Variants in NRG3 observed in about 807,000 individuals in gnomAD.
NRG3 encodes pro-neuregulin-3, membrane-bound isoform.
Under a neutral mutation model 66.9 loss-of-function variants are expected in NRG3, and 31 were observed. The ratio of observed to expected loss-of-function variants is 0.46; its 90% confidence interval spans 0.35 to 0.63. The LOEUF (loss-of-function observed/expected upper bound fraction) is 0.63. Among genes scored for constraint, NRG3 ranks in the 20% least tolerant of loss-of-function variants. NRG3 has a pLI of 0.00. For missense variants in NRG3, 910 were observed against 878.9 expected (o/e 1.04, Z -0.45); for synonymous variants, 393 against 359.4 (o/e 1.09, Z -1.06).
At chr10:82,666,475 A>G (rs985236883) in intron 2 of NRG3, among the ~76,000 whole-genome samples, 3 of 152,130 alleles carry the variant, frequency 2.0e-5, no homozygotes, top group Non-Finnish European at 4.4e-5. Flanking sequence ...ATAGTCTGAA[A>G]TCCTCAGCCT....
At chr10:81,960,600 A>G (rs1434871746) in intron 1 of NRG3, among the ~76,000 whole-genome samples, 2 of 151,814 alleles carry the variant, frequency 1.3e-5, no homozygotes, top group East Asian at 1.9e-4. Flanking sequence ...CACTTAGTGC[A>G]GTGTCTCGGT....
chr10:81,875,702 TC>T lies in NRG3; in HGVS notation c.366del (p.Lys123ArgfsTer36). The T allele has an allele frequency of 6.2e-7, 1 of 1,613,610 alleles. No homozygotes were observed. Among genetic ancestry groups the T allele is most frequent in the Non-Finnish European group, 8.5e-7 (1 of 1,179,930 alleles). On this transcript the variant is annotated frameshift_variant, in exon 1 of 9. Transcript: ENST00000372141. LOFTEE classifies it high-confidence loss of function. This position sits in a 1 kb window ranked among gnomAD's most constrained non-coding sequence, Gnocchi z 5.3. The stretch of plus-strand genomic sequence containing the variant: ...TTCTTCCTCTCCAAGCCCAGCTCTT[TC>T]CCCAAGGCCATGGAGACCACCACCA... ...DPFFLSKPSS[F>X]PKAMETTTTT...
intron 1 of NRG3, among the ~76,000 whole-genome samples, chr10:82,227,112 A>G (rs2076203351): frequency 6.6e-6 from 1 of 152,146 alleles, no homozygotes; most frequent in Non-Finnish European, 1.5e-5. Context: ...TCCAGACATG[A>G]GAAGGTCATC....
intron 4 of NRG3, among the ~76,000 whole-genome samples, chr10:82,914,704 G>A (rs1241087262): frequency 6.6e-6 from 1 of 151,580 alleles, no homozygotes; most frequent in Non-Finnish European, 1.5e-5. Context: ...CAATCCTCTA[G>A]TGGGCTTGAG....
At chr10:82,488,277 G>T (rs10787150) in intron 2 of NRG3, among the ~76,000 whole-genome samples, 1 of 151,838 alleles carries the variant, frequency 6.6e-6, no homozygotes, top group Non-Finnish European at 1.5e-5. Flanking sequence ...ACTCTTCACA[G>T]CCATCTTCCA....
chr10:82,863,146 T>C (rs1303305522), intron 3 of NRG3, among the ~76,000 whole-genome samples: 1 of 152,220 alleles, frequency 6.6e-6, no homozygotes, highest in African/African-American at 2.4e-5. Context: ...TTGCTGAGAA[T>C]GATGGCTTCC....
At chr10:82,782,790 C>T (rs2060173797) in intron 3 of NRG3, among the ~76,000 whole-genome samples, 1 of 152,266 alleles carries the variant, frequency 6.6e-6, no homozygotes, top group East Asian at 1.9e-4. Context: ...CAAGGAGGAA[C>T]TGGTACCATT....
intron 4 of NRG3, among the ~76,000 whole-genome samples, chr10:82,948,327 A>G (rs552564263): frequency 6.6e-6 from 1 of 152,124 alleles, no homozygotes; most frequent in Admixed American, 6.6e-5. Flanking sequence ...CAGCTTTATA[A>G]GAAATCTTGA....
intron 1 of NRG3, among the ~76,000 whole-genome samples, chr10:81,917,386 G>A (rs542399611): frequency 2.0e-5 from 3 of 152,164 alleles, no homozygotes; most frequent in Admixed American, 1.3e-4. Context: ...CAGCCACTAC[G>A]TGTGTCTTGT....
At chr10:82,037,612 C>CTT (rs2132964045) in intron 1 of NRG3, among the ~76,000 whole-genome samples, 1 of 152,208 alleles carries the variant, frequency 6.6e-6, no homozygotes, top group East Asian at 1.9e-4. Context: ...GGTCTAACAG[C>CTT]ATTGGCAGGA....
chr10:82,916,474 AC>A (rs565518480), intron 4 of NRG3, among the ~76,000 whole-genome samples: 1 of 152,270 alleles, frequency 6.6e-6, no homozygotes, highest in Non-Finnish European at 1.5e-5. Context: ...AGGTGGGGGA[AC>A]AAAAATAAAA....
At chr10:82,016,981 A>G (rs528151703) in intron 1 of NRG3, among the ~76,000 whole-genome samples, 3 of 152,250 alleles carry the variant, frequency 2.0e-5, no homozygotes, top group Admixed American at 6.5e-5. Context: ...CATGTGCACA[A>G]CGTGCACGTT....
At chr10:82,643,183 T>A (rs2050699762) in intron 2 of NRG3, among the ~76,000 whole-genome samples, 1 of 152,146 alleles carries the variant, frequency 6.6e-6, no homozygotes, top group Admixed American at 6.6e-5. Flanking sequence ...GTAGCTCCCA[T>A]AATTCCCACA....
At chr10:82,373,540 G>A (rs1333453256) in intron 2 of NRG3, among the ~76,000 whole-genome samples, 1 of 152,172 alleles carries the variant, frequency 6.6e-6, no homozygotes, top group Non-Finnish European at 1.5e-5. Flanking sequence ...CAGCTTTGAG[G>A]CTCAGGCTAG....
intron 3 of NRG3, among the ~76,000 whole-genome samples, chr10:82,741,508 T>C (rs1235209985): frequency 6.6e-6 from 1 of 152,192 alleles, no homozygotes; most frequent in Admixed American, 6.5e-5. Context: ...CCCTTATTCC[T>C]CACTATAATT....
chr10:82,454,804 G>A (rs891079006), intron 2 of NRG3, among the ~76,000 whole-genome samples: 15 of 152,130 alleles, frequency 9.9e-5, no homozygotes, highest in Admixed American at 3.9e-4. Flanking sequence ...GAGGCAAATT[G>A]TATATTTGGG....
intron 2 of NRG3, among the ~76,000 whole-genome samples, chr10:82,407,266 T>C (rs770559100): frequency 5.3e-5 from 8 of 152,050 alleles, no homozygotes; most frequent in Non-Finnish European, 7.4e-5. Flanking sequence ...TACCATATAA[T>C]GTTTTTTTAA....
intron 2 of NRG3, among the ~76,000 whole-genome samples, chr10:82,360,746 G>A (rs753996860): frequency 6.6e-6 from 1 of 152,154 alleles, no homozygotes; most frequent in Non-Finnish European, 1.5e-5. Context: ...GGTGTCAGCA[G>A]AGTTGATTCC....
chr10:82,117,920 G>T (rs1187296127), intron 1 of NRG3, among the ~76,000 whole-genome samples: 1 of 152,116 alleles, frequency 6.6e-6, no homozygotes, highest in Non-Finnish European at 1.5e-5. Context: ...TTCATTACTT[G>T]ATCATTCAAC....
Sources: allele counts gnomAD v4.1 joint callset (sites outside exome capture counted in the v4.1 genomes callset), GRCh38; gene constraint gnomAD v4.1.1; non-coding constraint Gnocchi (gnomAD v3.1); transcripts MANE v1.5; gene names NCBI Gene and HGNC (gene_info 2026-07-23, HGNC 2026-07-21).